The following DAB2IP variants were observed in gnomAD, a reference collection of about 807,000 sequenced individuals.
DAB2IP encodes the protein DAB2 interacting protein, also known as disabled homolog 2-interacting protein.
In DAB2IP, 28 loss-of-function variants were observed where a neutral mutation model predicts 107.2. The ratio of observed to expected loss-of-function variants is 0.26; its 90% CI spans 0.19 to 0.36. The LOEUF is 0.36. Ranked by LOEUF, DAB2IP falls within the 10% of genes least tolerant of loss-of-function variation. DAB2IP has a pLI of 1.00. For synonymous variants in DAB2IP, 755 were observed against 706.4 expected, an observed-to-expected ratio of 1.07 and a Z score of -1.09; for missense variants, 1,400 against 1,644.7, an observed-to-expected ratio of 0.85 and a Z score of 2.57.
At chr9:121,757,646 G>A (rs1029629856) in intron 4 of DAB2IP, among the ~76,000 whole-genome samples, 1 of 152,054 alleles carries the variant, frequency 6.6e-6, no homozygotes, top group African/African-American at 2.4e-5. Context: ...ACCCACCTGG[G>A]GATGACCTGT....
chr9:121,678,899 C>A, intron 2 of DAB2IP, 118 bp downstream of exon 2: 1 of 976,222 alleles, frequency 1.0e-6, no homozygotes. Context: ...CGGAGAGCAT[C>A]CGGCCTCCCT....
intron 2 of DAB2IP, among the ~76,000 whole-genome samples, chr9:121,696,209 G>GC (rs1202400251): frequency 6.6e-6 from 1 of 152,108 alleles, no homozygotes; most frequent in Non-Finnish European, 1.5e-5. Flanking sequence ...CCTCACTGCA[G>GC]CCCCCCACCC....
chr9:121,698,339 T>A lies in DAB2IP; in HGVS notation c.229-986T>A, dbSNP rs1018305547. On this transcript the variant is annotated intron_variant, in intron 2 of 15. Coordinates refer to ENST00000408936, the Ensembl canonical transcript of DAB2IP. The surrounding 1 kb of genome is among the most constrained non-coding windows in gnomAD (Gnocchi z 4.1). ...GTGTCCCCTGGGGCCCCCACATCTA[T>A]CCCGTCACCTGTAAAGGGAAGATTG... Among the ~76,000 whole-genome samples the A allele has an allele frequency of 6.6e-6, 1 of 151,910 alleles. No homozygotes were observed. Among genetic ancestry groups the A allele is most frequent in the Non-Finnish European group, 1.5e-5 (1 of 67,986 alleles).
At chr9:121,610,620 A>C (rs1251419437) in intron 1 of DAB2IP, among the ~76,000 whole-genome samples, 2 of 152,178 alleles carry the variant, frequency 1.3e-5, no homozygotes, top group Non-Finnish European at 2.9e-5. Flanking sequence ...AGTATGGAGA[A>C]ACCAGGTGTA....
chr9:121,758,178 G>A (rs1036886626), intron 4 of DAB2IP, among the ~76,000 whole-genome samples: 1 of 152,164 alleles, frequency 6.6e-6, no homozygotes, highest in African/African-American at 2.4e-5. Flanking sequence ...CAGAGACCCG[G>A]GTCTGCTGCT....
At chr9:121,628,026 C>T (rs1165997132) in intron 1 of DAB2IP, among the ~76,000 whole-genome samples, 1 of 152,168 alleles carries the variant, frequency 6.6e-6, no homozygotes. Flanking sequence ...GCAGGAAGCA[C>T]ATTTATTAGG....
At position 121,699,410 on chromosome 9, in the gene DAB2IP, T is replaced by C; in HGVS notation, c.314T>C (p.Ile105Thr). 1 of 1,467,146 alleles carries C rather than the reference T, an allele frequency of 6.8e-7. No homozygotes were observed. Among genetic ancestry groups the C allele is most frequent in the Non-Finnish European group, 9.1e-7 (1 of 1,099,154 alleles). 90.9% of individuals were successfully genotyped at this position (1,467,146 alleles called of 1,614,324 possible). The change falls in exon 3 of 16, where the codon ATC (isoleucine) becomes ACC (threonine). Residue 105 changes from isoleucine (I) to threonine (T), a missense_variant. By Grantham distance (89) the Ile-to-Thr change is moderately conservative. Around this residue, in one of 3 missense-constraint regions of DAB2IP, gnomAD observed 283 missense variants for 237.0 expected, o/e 1.19. Transcript: ENST00000408936. This position sits in a 1 kb window ranked among gnomAD's most constrained non-coding sequence, Gnocchi z 6.2. ...GACCGCAACCACAGCTTCCGCCACA[T>C]CCTGCCGGGGTTCCGGAGCGCCGCC...
At chr9:121,771,383 G>A (rs1327332088) in intron 11 of DAB2IP, among the ~76,000 whole-genome samples, 1 of 152,142 alleles carries the variant, frequency 6.6e-6, no homozygotes, top group African/African-American at 2.4e-5. Flanking sequence ...TCTTACCCCA[G>A]CATGTGAGGC....
chr9:121,768,665 A>T, intron 10 of DAB2IP, 32 bp downstream of exon 10: 1 of 1,610,166 alleles, frequency 6.2e-7, no homozygotes. Context: ...AGGTGGGGCC[A>T]AAAGCTGCCA....
chr9:121,571,861 T>A (rs778696190), intron 1 of DAB2IP, among the ~76,000 whole-genome samples: 3 of 152,000 alleles, frequency 2.0e-5, no homozygotes, highest in Non-Finnish European at 4.4e-5. Flanking sequence ...GTGCAGAGGT[T>A]TCTTTTACAG....
intron 3 of DAB2IP, among the ~76,000 whole-genome samples, chr9:121,721,408 C>T (rs1564178771): frequency 6.6e-6 from 1 of 152,226 alleles, no homozygotes; most frequent in East Asian, 1.9e-4. Flanking sequence ...AAGCAAGTCC[C>T]TGCTGTGTGC....
chr9:121,582,670 C>T (rs763285600), intron 1 of DAB2IP, among the ~76,000 whole-genome samples: 2 of 152,188 alleles, frequency 1.3e-5, no homozygotes, highest in Non-Finnish European at 2.9e-5. Flanking sequence ...TATGCTTCAG[C>T]CAAATCTAGC....
At chr9:121,766,803 C>T (rs1834320060) in intron 9 of DAB2IP, 73 bp downstream of exon 9, 3 of 1,480,824 alleles carry the variant, frequency 2.0e-6, no homozygotes, top group Non-Finnish European at 2.8e-6. Context: ...GGGGGTGTTT[C>T]TGCCCCCAAG....
chr9:121,690,150 G>A (rs1319488712), intron 2 of DAB2IP, among the ~76,000 whole-genome samples: 1 of 152,192 alleles, frequency 6.6e-6, no homozygotes, highest in East Asian at 1.9e-4. Flanking sequence ...CAGCGTGTTG[G>A]AAGAGCCCTC....
chr9:121,773,635 G>A, intron 12 of DAB2IP, 140 bp downstream of exon 12: 1 of 1,099,760 alleles, frequency 9.1e-7, no homozygotes, highest in Non-Finnish European at 1.2e-6. Context: ...CCTGCCACAT[G>A]CGCCACCACC....
chr9:121,674,876 GGTGT>G (rs369953526), intron 1 of DAB2IP, among the ~76,000 whole-genome samples: 2 of 150,286 alleles, frequency 1.3e-5, no homozygotes, highest in Non-Finnish European at 3.0e-5. Flanking sequence ...TGGCCAGGGT[GGTGT>G]GTGTGTGTGT....
chr9:121,699,189 C>T lies in DAB2IP; in HGVS notation c.229-136C>T. The T allele has an allele frequency of 5.2e-6, 5 of 953,930 alleles. 1 individual carries two copies. The highest frequency in any genetic ancestry group is 6.2e-6 in the Non-Finnish European group (5 of 804,668). 59.1% of individuals were successfully genotyped at this position (953,930 alleles called of 1,614,324 possible). A position where few individuals can be genotyped will look rare whatever the true frequency, so the allele number is the denominator to read the frequency against. ...GGCGGGCGGCGCGGGCCGCGAGCTG[C>T]TGGGGCCGAGCCCGAGCCCGGCCCG... is the stretch of plus-strand genomic sequence containing the variant. On this transcript the variant is annotated intron_variant, in intron 2 of 15. Transcript: ENST00000408936. This position sits in a 1 kb window ranked among gnomAD's most constrained non-coding sequence, Gnocchi z 6.2.
intron 3 of DAB2IP, chr9:121,751,178 G>T (rs1482719833): frequency 5.6e-6 from 1 of 177,364 alleles, no homozygotes; most frequent in Non-Finnish European, 1.2e-5. Context: ...CTGCCCGGCT[G>T]CTATGGACCT....
At position 121,651,887 on chromosome 9, in the gene DAB2IP, C is replaced by G. The variant is rs1213079912; in HGVS notation, c.112C>G (p.Arg38Gly). 2 of 1,413,448 alleles carry G rather than the reference C, an allele frequency of 1.4e-6. No homozygotes were observed. Among genetic ancestry groups the G allele is most frequent in the Non-Finnish European group, 1.9e-6 (2 of 1,077,274 alleles). The allele number at this position is 1,413,448 out of a possible 1,614,324, so 87.6% of individuals were successfully genotyped here. A position where few individuals can be genotyped will look rare whatever the true frequency, so the allele number is the denominator to read the frequency against. ...GAGGAGCCGCTCCCGCAGCCGGACC[C>G]GGCCTGCCAGGGGTAGGCGCCACCC... Residue 38 changes from arginine (R) to glycine (G), a missense_variant, in exon 1 of 16, where the codon CGG (arginine) becomes GGG (glycine). Coordinates refer to ENST00000408936, the Ensembl canonical transcript of DAB2IP. This position sits in a 1 kb window ranked among gnomAD's most constrained non-coding sequence, Gnocchi z 5.1.
Sources: allele counts gnomAD v4.1 joint callset (sites outside exome capture counted in the v4.1 genomes callset), GRCh38; gene constraint gnomAD v4.1.1; regional missense constraint gnomAD v4.1.1; non-coding constraint Gnocchi (gnomAD v3.1); transcripts MANE v1.5; gene names NCBI Gene and HGNC (gene_info 2026-07-23, HGNC 2026-07-21).